TEX11: variants seen among roughly 807,000 people sequenced by gnomAD.
TEX11 encodes the protein testis expressed 11, also known as testis-expressed protein 11.
TEX11 carries 7 observed loss-of-function variants against 84.4 expected under a neutral mutation model. The observed-to-expected ratio is 0.08, with a 90% CI of 0.05 to 0.16. The LOEUF (loss-of-function observed/expected upper bound fraction) is 0.16. TEX11 is among the 10% of genes least tolerant of loss of function. The probability of loss-of-function intolerance (pLI) is 1.00; values close to 1 mark genes in which losing one functional copy is unlikely to be tolerated. For missense variants in TEX11, 551 were observed against 660.5 expected (o/e 0.83, Z 1.82); for synonymous variants, 264 against 222.8 (o/e 1.18, Z -1.64).
At chrX:70,568,407 T>C (rs1458701453) in intron 25 of TEX11, among the ~76,000 whole-genome samples, 4 of 110,697 alleles carry the variant, frequency 3.6e-5, no homozygotes, top group Admixed American at 2.9e-4. Flanking sequence ...CCATTTACAA[T>C]TAAAGTTAAT....
intron 14 of TEX11, among the ~76,000 whole-genome samples, chrX:70,679,956 TG>T (rs1203486885): frequency 1.6e-5 from 1 of 61,421 alleles, no homozygotes; most frequent in Non-Finnish European, 3.3e-5. Context: ...GGGAGGGAGG[TG>T]GGGGGGGTCA....
At chrX:70,743,992 T>C (rs746305239) in intron 10 of TEX11, among the ~76,000 whole-genome samples, 173 bp downstream of exon 10, 1 of 110,202 alleles carries the variant, frequency 9.1e-6, no homozygotes, top group African/African-American at 3.3e-5. Flanking sequence ...TACATGCCTA[T>C]GAGTTAGATT....
At chrX:70,549,637 C>T (rs2088186913) in intron 28 of TEX11, among the ~76,000 whole-genome samples, 6 of 111,786 alleles carry the variant, frequency 5.4e-5, no homozygotes, top group Non-Finnish European at 1.1e-4. Flanking sequence ...CAGCAGAACT[C>T]CCCACACCAC....
intron 11 of TEX11, among the ~76,000 whole-genome samples, chrX:70,734,210 G>C: frequency 9.1e-6 from 1 of 109,980 alleles, no homozygotes; most frequent in Non-Finnish European, 1.9e-5. Flanking sequence ...GTTAAATGAC[G>C]AGTTAATGGG....
chrX:70,657,316 A>AAACCG (rs1191147410), intron 16 of TEX11, among the ~76,000 whole-genome samples: 10 of 110,970 alleles, frequency 9.0e-5, no homozygotes, highest in Non-Finnish European at 3.8e-5. Flanking sequence ...AAACCAAACC[A>AAACCG]AAAACAAAAA....
intron 9 of TEX11, among the ~76,000 whole-genome samples, chrX:70,771,031 A>G (rs779980461): frequency 6.5e-4 from 73 of 112,166 alleles, no homozygotes; most frequent in African/African-American, 2.3e-3. Context: ...CTCCCCTAAC[A>G]TACTGCCTAC....
chrX:70,617,276 G>T (rs1275107975), intron 20 of TEX11, among the ~76,000 whole-genome samples: 1 of 107,307 alleles, frequency 9.3e-6, no homozygotes, highest in Non-Finnish European at 1.9e-5. Context: ...GAAGGAAAAT[G>T]ATATAGGTCA....
At chrX:70,683,693 T>G (rs1228858875) in intron 13 of TEX11, among the ~76,000 whole-genome samples, 2 of 111,427 alleles carry the variant, frequency 1.8e-5, no homozygotes, top group Non-Finnish European at 3.8e-5. Context: ...TAATATGGAC[T>G]TTGCTCAAGG....
At chrX:70,756,253 G>A (rs1459055545) in intron 9 of TEX11, among the ~76,000 whole-genome samples, 1 of 112,448 alleles carries the variant, frequency 8.9e-6, no homozygotes, top group African/African-American at 3.2e-5. Context: ...CAGCTCTGAA[G>A]AGAGCAGTGG....
At chrX:70,571,650 T>A (rs1206756566) in intron 25 of TEX11, among the ~76,000 whole-genome samples, 2 of 112,233 alleles carry the variant, frequency 1.8e-5, no homozygotes, top group Admixed American at 9.5e-5. Context: ...GGTTTCCTAA[T>A]CATCTTTCTG....
intron 4 of TEX11, among the ~76,000 whole-genome samples, chrX:70,869,117 CAAAATAAAAT>C (rs1569458397): frequency 1.5e-5 from 1 of 66,821 alleles, no homozygotes; most frequent in Admixed American, 1.7e-4. Context: ...TAAAATAAAA[CAAAATAAAAT>C]AAAGAAAAGA....
chrX:70,590,537 A>C (rs1447690424), intron 25 of TEX11, among the ~76,000 whole-genome samples: 1 of 111,424 alleles, frequency 9.0e-6, no homozygotes, highest in Admixed American at 9.6e-5. Context: ...TATCTCCATA[A>C]AGTCTGAAAA....
intron 25 of TEX11, among the ~76,000 whole-genome samples, chrX:70,561,414 G>A (rs1186017639): frequency 1.2e-5 from 1 of 85,097 alleles, no homozygotes; most frequent in Non-Finnish European, 2.2e-5. Flanking sequence ...TTTTGACAGA[G>A]TCTCGTTCTG....
intron 7 of TEX11, among the ~76,000 whole-genome samples, chrX:70,838,063 T>G (rs1490324865): frequency 8.9e-6 from 1 of 112,259 alleles, no homozygotes; most frequent in African/African-American, 3.2e-5. Context: ...AGATCTCTCT[T>G]TACTATTTTT....
chrX:70,653,768 T>G (rs1489290186), intron 16 of TEX11, among the ~76,000 whole-genome samples: 1 of 112,079 alleles, frequency 8.9e-6, no homozygotes, highest in African/African-American at 3.2e-5. Flanking sequence ...TATTCATAAC[T>G]GCCAAAATTT....
intron 12 of TEX11, among the ~76,000 whole-genome samples, chrX:70,724,829 C>T (rs763781011): frequency 1.8e-5 from 2 of 111,182 alleles, no homozygotes; most frequent in African/African-American, 3.3e-5. Flanking sequence ...TGCCCAATGA[C>T]CAACTTTTGT....
intron 5 of TEX11, among the ~76,000 whole-genome samples, chrX:70,857,704 C>G (rs751749424): frequency 1.8e-5 from 2 of 111,978 alleles, no homozygotes; most frequent in African/African-American, 6.5e-5. Flanking sequence ...AGTGAAAATC[C>G]TGCAGAACAA....
At chrX:70,690,125 T>G (rs2090221959) in intron 13 of TEX11, among the ~76,000 whole-genome samples, 1 of 111,411 alleles carries the variant, frequency 9.0e-6, no homozygotes, top group African/African-American at 3.3e-5. Context: ...GAAACTACTA[T>G]GGCCAAATGA....
intron 25 of TEX11, among the ~76,000 whole-genome samples, chrX:70,572,778 A>G (rs1277873964): frequency 2.0e-5 from 2 of 100,092 alleles, no homozygotes; most frequent in African/African-American, 7.4e-5. Flanking sequence ...GCATGTTCTC[A>G]CTCATAGATG....
Sources: gnomAD v4.1 joint callset for allele counts (sites outside exome capture counted in the v4.1 genomes callset) on GRCh38, gnomAD v4.1.1 for gene constraint, MANE v1.5 for transcripts, NCBI Gene and HGNC (gene_info 2026-07-23, HGNC 2026-07-21) for gene names.